The following SPAG6 variants were observed in gnomAD, a reference collection of about 807,000 sequenced individuals.
The protein encoded by SPAG6 is sperm-associated antigen 6.
SPAG6 carries 49 observed loss-of-function variants against 58.5 expected under a neutral mutation model. The observed-to-expected ratio is 0.84, with a 90% CI of 0.67 to 1.06. The LOEUF is 1.06. Among genes scored for constraint, SPAG6 ranks in the 50% least tolerant of loss-of-function variants. The probability of loss-of-function intolerance (pLI) is 0.00; values close to 1 mark genes in which losing one functional copy is unlikely to be tolerated. For missense variants in SPAG6, 560 were observed against 611.3 expected, an observed-to-expected ratio of 0.92 and a Z score of 0.89; for synonymous variants, 233 against 225.6, an observed-to-expected ratio of 1.03 and a Z score of -0.29.
At chr10:22,378,922 CTTGACTTTT>C (rs1367054139) in intron 4 of SPAG6, among the ~76,000 whole-genome samples, 4 of 152,100 alleles carry the variant, frequency 2.6e-5, no homozygotes, top group South Asian at 2.1e-4. Flanking sequence ...ATTTGACTCA[CTTGACTTTT>C]TAAAGGAGCC....
At chr10:22,358,270 C>T (rs1340462183) in intron 2 of SPAG6, among the ~76,000 whole-genome samples, 26 of 152,180 alleles carry the variant, frequency 1.7e-4, no homozygotes, top group African/African-American at 4.3e-4. Flanking sequence ...TTTTAATGAT[C>T]GCCATTCTAA....
intron 9 of SPAG6, among the ~76,000 whole-genome samples, chr10:22,404,789 G>C (rs1364326183): frequency 3.3e-5 from 5 of 151,298 alleles, no homozygotes; most frequent in Admixed American, 6.6e-5. Flanking sequence ...TCTTCCATTT[G>C]TTTGTATCCT....
At position 22,389,210 on chromosome 10, in the gene SPAG6, C is replaced by T. The variant is rs1209869702; in HGVS notation, c.903C>T (p.Cys301=). 16 of 1,613,338 alleles carry T rather than the reference C, an allele frequency of 9.9e-6. No homozygotes were observed. In the African/African-American group the frequency reaches 2.1e-4, roughly 22 times the overall value. Residue 301 remains cysteine (C), a synonymous_variant, in exon 7 of 11, where the codon TGC becomes TGT. Transcript: ENST00000376624. ...NAGGVAAVID[C]IGSCKGNTRL... ...GAGGGGTTGCTGCCGTGATTGACTGCATTGGGTCCTGCAAAGGGAACACAC... is the reference window on the plus strand; with the variant it reads ...GAGGGGTTGCTGCCGTGATTGACTGTATTGGGTCCTGCAAAGGGAACACAC...
chr10:22,405,497 A>C (rs1275754797), intron 9 of SPAG6, among the ~76,000 whole-genome samples: 1 of 149,532 alleles, frequency 6.7e-6, no homozygotes. Flanking sequence ...CCACTTGATC[A>C]TGGTGGATAA....
intron 4 of SPAG6, among the ~76,000 whole-genome samples, chr10:22,379,466 T>C (rs1177509146): frequency 6.6e-6 from 1 of 152,178 alleles, no homozygotes; most frequent in Non-Finnish European, 1.5e-5. Flanking sequence ...ACTTGGGTCC[T>C]CTCTTTTGAA....
chr10:22,346,316 C>T (rs931682951), intron 2 of SPAG6, among the ~76,000 whole-genome samples: 1 of 151,882 alleles, frequency 6.6e-6, no homozygotes, highest in African/African-American at 2.4e-5. Flanking sequence ...ATCCTTATGG[C>T]GCGTTCCTTC....
chr10:22,365,677 A>T (rs778436823), intron 3 of SPAG6, among the ~76,000 whole-genome samples: 15 of 152,284 alleles, frequency 9.9e-5, no homozygotes, highest in Admixed American at 2.0e-4. Flanking sequence ...CTAGGGATAG[A>T]GCTTTCTTGA....
chr10:22,347,206 C>A (rs1836587404), intron 2 of SPAG6, among the ~76,000 whole-genome samples: 1 of 152,186 alleles, frequency 6.6e-6, no homozygotes, highest in Non-Finnish European at 1.5e-5. Context: ...CTAATCTCTT[C>A]TCCATTTCTA....
intron 4 of SPAG6, among the ~76,000 whole-genome samples, chr10:22,378,661 A>G (rs7092238): frequency 0.032 from 4,927 of 152,208 alleles, 292 homozygotes; most frequent in African/African-American, 0.11. Flanking sequence ...TTAAAGGTCT[A>G]ATGCTAAATT....
At chr10:22,352,061 T>G (rs986959279) in intron 2 of SPAG6, among the ~76,000 whole-genome samples, 5 of 152,078 alleles carry the variant, frequency 3.3e-5, no homozygotes, top group African/African-American at 1.2e-4. Flanking sequence ...TCGGAGAGGC[T>G]GAGGCAGGAG....
chr10:22,400,888 C>T (rs1834395493), intron 8 of SPAG6, among the ~76,000 whole-genome samples: 1 of 151,886 alleles, frequency 6.6e-6, no homozygotes, highest in African/African-American at 2.4e-5. Flanking sequence ...TAACTTTGTG[C>T]TTTATAATTT....
chr10:22,346,308 C>G (rs1836525649), intron 2 of SPAG6, among the ~76,000 whole-genome samples: 1 of 151,860 alleles, frequency 6.6e-6, no homozygotes, highest in Non-Finnish European at 1.5e-5. Flanking sequence ...TTTGCGAAAT[C>G]CTTATGGCGC....
At chr10:22,400,174 A>T (rs779081263) in intron 8 of SPAG6, among the ~76,000 whole-genome samples, 1 of 152,176 alleles carries the variant, frequency 6.6e-6, no homozygotes, top group Non-Finnish European at 1.5e-5. Flanking sequence ...ACTGCAAAAC[A>T]CTCAATAGCA....
chr10:22,346,595 G>C (rs967611443), intron 2 of SPAG6, among the ~76,000 whole-genome samples: 2 of 150,172 alleles, frequency 1.3e-5, no homozygotes, highest in Non-Finnish European at 3.0e-5. Context: ...CTGTAAGGTA[G>C]CATTTTATCA....
chr10:22,390,297 A>G (rs145786114), intron 7 of SPAG6, among the ~76,000 whole-genome samples: 403 of 152,268 alleles, frequency 2.6e-3, no homozygotes, highest in African/African-American at 9.3e-3. Context: ...GTGGATAGTC[A>G]TGAAGCTTAT....
chr10:22,408,991 C>T lies in SPAG6; in HGVS notation c.1315-2040C>T, dbSNP rs148027460. ...AGTGAGGCAATGCCTCGCCCTGCTTCGGCTCGCGCACCCACTGACCTGCGC... is the reference window on the plus strand; with the variant it reads ...AGTGAGGCAATGCCTCGCCCTGCTTTGGCTCGCGCACCCACTGACCTGCGC... On this transcript the variant is annotated intron_variant, in intron 9 of 10. Coordinates refer to ENST00000376624, the MANE Select transcript of SPAG6 (RefSeq NM_012443.4). Among the ~76,000 whole-genome samples, 782 of 152,312 alleles carry T rather than the reference C, an allele frequency of 5.1e-3. 11 individuals carry two copies. The highest frequency in any genetic ancestry group is 0.018 in the African/African-American group (729 of 41,566).
intron 2 of SPAG6, among the ~76,000 whole-genome samples, chr10:22,356,475 C>G (rs1836871277): frequency 6.6e-6 from 1 of 152,186 alleles, no homozygotes; most frequent in South Asian, 2.1e-4. Context: ...CTTTCCTTTC[C>G]CCTTAAAATA....
At chr10:22,408,985 C>T (rs1834642938) in intron 9 of SPAG6, among the ~76,000 whole-genome samples, 1 of 152,214 alleles carries the variant, frequency 6.6e-6, no homozygotes, top group African/African-American at 2.4e-5. Context: ...ATGCCTCGCC[C>T]TGCTTCGGCT....
intron 6 of SPAG6, 137 bp from the exon 7 acceptor site, chr10:22,389,023 A>G: frequency 1.5e-6 from 1 of 651,116 alleles, no homozygotes; most frequent in East Asian, 2.8e-5. Flanking sequence ...TTTCTTTAAT[A>G]AATATAATAA....
Sources: allele counts gnomAD v4.1 joint callset (sites outside exome capture counted in the v4.1 genomes callset), GRCh38; gene constraint gnomAD v4.1.1; transcripts MANE v1.5; gene names NCBI Gene and HGNC (gene_info 2026-07-23, HGNC 2026-07-21).